The following PLCXD3 variants were observed in gnomAD, a reference collection of about 807,000 sequenced individuals.
PLCXD3 encodes PI-PLC X domain-containing protein 3.
Under a neutral mutation model 25.5 loss-of-function variants are expected in PLCXD3, and 19 were observed. The ratio of observed to expected loss-of-function variants is 0.75; its 90% CI spans 0.52 to 1.09. The LOEUF (loss-of-function observed/expected upper bound fraction) is 1.09, where lower values mean the gene tolerates loss of function less well. PLCXD3 is among the 50% of genes least tolerant of loss of function. The pLI, the probability that PLCXD3 is intolerant of heterozygous loss-of-function variation, is 0.00. For synonymous variants in PLCXD3, 174 were observed against 137.6 expected (o/e 1.26, Z -1.85); for missense variants, 411 against 388.1 (o/e 1.06, Z -0.50).
intron 1 of PLCXD3, among the ~76,000 whole-genome samples, chr5:41,493,809 G>T (rs1055377052): frequency 3.9e-5 from 6 of 152,202 alleles, no homozygotes; most frequent in Admixed American, 2.6e-4. Context: ...ATTGGGGTGG[G>T]AGTGACCCGA....
chr5:41,349,016 G>A (rs1427151009), intron 2 of PLCXD3, among the ~76,000 whole-genome samples: 6 of 152,136 alleles, frequency 3.9e-5, no homozygotes, highest in Non-Finnish European at 8.8e-5. Flanking sequence ...AAAATTTCTG[G>A]ATGATTTTAA....
intron 1 of PLCXD3, among the ~76,000 whole-genome samples, chr5:41,462,354 G>A (rs1457132): frequency 0.64 from 97,502 of 151,870 alleles, 32,337 homozygotes; most frequent in Admixed American, 0.73. Flanking sequence ...AAGTTTAAAC[G>A]TATTTGCAAC....
intron 1 of PLCXD3, among the ~76,000 whole-genome samples, chr5:41,398,532 G>T (rs1405689763): frequency 6.6e-6 from 1 of 152,092 alleles, no homozygotes; most frequent in Non-Finnish European, 1.5e-5. Context: ...CTAACATAAT[G>T]ACCAAGAGGG....
intron 1 of PLCXD3, among the ~76,000 whole-genome samples, chr5:41,494,769 T>C (rs1188146029): frequency 1.3e-5 from 2 of 152,184 alleles, no homozygotes; most frequent in African/African-American, 4.8e-5. Flanking sequence ...TTTCAAGTGA[T>C]TGGATTACAT....
chr5:41,462,179 C>T (rs1462224178), intron 1 of PLCXD3, among the ~76,000 whole-genome samples: 1 of 152,012 alleles, frequency 6.6e-6, no homozygotes. Flanking sequence ...TATAGGGTTG[C>T]TCCTAGTCCA....
chr5:41,399,950 G>A (rs1746126578), intron 1 of PLCXD3, among the ~76,000 whole-genome samples: 1 of 152,086 alleles, frequency 6.6e-6, no homozygotes, highest in Non-Finnish European at 1.5e-5. Context: ...CCTGATAAGA[G>A]ATTGATAACC....
chr5:41,394,974 T>C (rs1304372493), intron 1 of PLCXD3, among the ~76,000 whole-genome samples: 2 of 152,170 alleles, frequency 1.3e-5, no homozygotes, highest in African/African-American at 4.8e-5. Flanking sequence ...ATAGACCAAA[T>C]GGATCTAATA....
chr5:41,380,894 A>G (rs550395678), intron 2 of PLCXD3, among the ~76,000 whole-genome samples: 1 of 152,158 alleles, frequency 6.6e-6, no homozygotes, highest in South Asian at 2.1e-4. Flanking sequence ...AAAAACTGTG[A>G]TTGCTCAAAT....
intron 2 of PLCXD3, among the ~76,000 whole-genome samples, chr5:41,346,228 G>A (rs540994078): frequency 6.6e-6 from 1 of 152,338 alleles, no homozygotes; most frequent in Admixed American, 6.5e-5. Context: ...AGTACAGAGA[G>A]TGCTCATATA....
At chr5:41,376,873 T>A (rs1319440944) in intron 2 of PLCXD3, among the ~76,000 whole-genome samples, 2 of 152,130 alleles carry the variant, frequency 1.3e-5, no homozygotes, top group Non-Finnish European at 2.9e-5. Flanking sequence ...GTTTAACAGA[T>A]AAGGATTAAA....
intron 1 of PLCXD3, among the ~76,000 whole-genome samples, chr5:41,472,218 A>C (rs1037131106): frequency 1.3e-5 from 2 of 152,054 alleles, no homozygotes; most frequent in Non-Finnish European, 2.9e-5. Flanking sequence ...TGAAGCATGT[A>C]TGTCTTAATT....
At chr5:41,470,955 A>AAATTTTACT (rs983197013) in intron 1 of PLCXD3, among the ~76,000 whole-genome samples, 4 of 152,198 alleles carry the variant, frequency 2.6e-5, no homozygotes, top group South Asian at 2.1e-4. Context: ...TGATGAAAAC[A>AAATTTTACT]AATTTTACTC....
At chr5:41,407,017 A>T (rs967367203) in intron 1 of PLCXD3, among the ~76,000 whole-genome samples, 7 of 152,158 alleles carry the variant, frequency 4.6e-5, no homozygotes, top group Non-Finnish European at 8.8e-5. Flanking sequence ...GAGCCTGGTC[A>T]TCTGCTGAGT....
At chr5:41,354,515 A>G (rs1457603136) in intron 2 of PLCXD3, among the ~76,000 whole-genome samples, 1 of 152,062 alleles carries the variant, frequency 6.6e-6, no homozygotes, top group African/African-American at 2.4e-5. Context: ...ACATATTTTA[A>G]ATCTCTGTCC....
At chr5:41,426,281 A>G (rs552566250) in intron 1 of PLCXD3, among the ~76,000 whole-genome samples, 4 of 152,056 alleles carry the variant, frequency 2.6e-5, no homozygotes, top group African/African-American at 9.6e-5. Flanking sequence ...CCTTTGGCTC[A>G]TTTATTTTAA....
rs1287757685 is a variant in PLCXD3 at position 41,455,350 on chromosome 5, ACT to A, written c.103+55072_103+55073del. 5.3e-5 allele frequency among the ~76,000 whole-genome samples: 8 copies of A among 151,364 alleles called. No individual in the cohort carries two copies. In the East Asian group the frequency reaches 1.6e-3, roughly 30 times the overall value. On this transcript the variant is annotated intron_variant, in intron 1 of 2. Transcript: ENST00000377801. ...ATTTATTTATTCTTCCGTTAACCTGACTCTCCCTATTTCCAGTTTCAGCAGCT... is the reference window on the plus strand; with the variant it reads ...ATTTATTTATTCTTCCGTTAACCTGACTCCCTATTTCCAGTTTCAGCAGCT...
At chr5:41,411,727 A>G (rs114627859) in intron 1 of PLCXD3, among the ~76,000 whole-genome samples, 10,400 of 147,076 alleles carry the variant, frequency 0.071, 497 homozygotes, top group Middle Eastern at 0.11. Flanking sequence ...ATATTTTTAT[A>G]ATTTTATATT....
intron 2 of PLCXD3, among the ~76,000 whole-genome samples, chr5:41,342,090 T>C (rs904028275): frequency 2.0e-5 from 3 of 152,202 alleles, no homozygotes; most frequent in African/African-American, 7.2e-5. Context: ...TTTGTTACTT[T>C]TGGAAATGAG....
At chr5:41,315,085 G>A (rs1234616687) in intron 2 of PLCXD3, among the ~76,000 whole-genome samples, 1 of 152,170 alleles carries the variant, frequency 6.6e-6, no homozygotes, top group Admixed American at 6.5e-5. Flanking sequence ...CAGAATCATG[G>A]TGTGTGCTTA....
Sources: allele counts gnomAD v4.1 joint callset (sites outside exome capture counted in the v4.1 genomes callset), GRCh38; gene constraint gnomAD v4.1.1; transcripts MANE v1.5; gene names NCBI Gene and HGNC (gene_info 2026-07-23, HGNC 2026-07-21).